The following CSRNP3 variants were observed in gnomAD, a reference collection of about 807,000 sequenced individuals.
The protein encoded by CSRNP3 is cysteine and serine rich nuclear protein 3, also known as cysteine/serine-rich nuclear protein 3.
Under a neutral mutation model 48.0 loss-of-function variants are expected in CSRNP3, and 12 were observed. The observed-to-expected ratio is 0.25, with a 90% CI of 0.16 to 0.41. The LOEUF (loss-of-function observed/expected upper bound fraction) is 0.41. CSRNP3 is among the 10% of genes least tolerant of loss of function. CSRNP3 has a pLI of 1.00. For synonymous variants in CSRNP3, 263 were observed against 269.7 expected (o/e 0.98, Z 0.24); for missense variants, 580 against 724.4 (o/e 0.80, Z 2.29).
chr2:165,519,158 G>T (rs1009143761), intron 3 of CSRNP3, among the ~76,000 whole-genome samples: 2 of 149,494 alleles, frequency 1.3e-5, no homozygotes, highest in Non-Finnish European at 3.0e-5. Context: ...TATAAAACAA[G>T]TAAGAAATAT....
At chr2:165,645,453 T>G (rs950899807) in intron 4 of CSRNP3, among the ~76,000 whole-genome samples, 4 of 152,118 alleles carry the variant, frequency 2.6e-5, no homozygotes, top group Admixed American at 6.6e-5. Flanking sequence ...ACCTTGGGGG[T>G]TAGAATTTCA....
chr2:165,539,199 T>C (rs1179494006), intron 3 of CSRNP3, among the ~76,000 whole-genome samples: 1 of 152,024 alleles, frequency 6.6e-6, no homozygotes, highest in Admixed American at 6.6e-5. Context: ...TAAGTATTTT[T>C]AGTAAAACTG....
At chr2:165,677,377 T>C (rs1270484565) in intron 6 of CSRNP3, among the ~76,000 whole-genome samples, 1 of 152,124 alleles carries the variant, frequency 6.6e-6, no homozygotes, top group East Asian at 1.9e-4. Context: ...AAATAAAAAG[T>C]TTACCAACCC....
chr2:165,473,997 A>G (rs1683926661), intron 1 of CSRNP3, among the ~76,000 whole-genome samples: 1 of 152,138 alleles, frequency 6.6e-6, no homozygotes, highest in Non-Finnish European at 1.5e-5. Context: ...CATGGCCTGA[A>G]AAGAAGATAA....
At chr2:165,581,947 A>G (rs1053296938) in intron 3 of CSRNP3, among the ~76,000 whole-genome samples, 1 of 152,226 alleles carries the variant, frequency 6.6e-6, no homozygotes, top group African/African-American at 2.4e-5. Context: ...ATTTATGTCT[A>G]TTCATTTACT....
chr2:165,631,322 A>G (rs1443265589), intron 4 of CSRNP3, among the ~76,000 whole-genome samples: 2 of 152,200 alleles, frequency 1.3e-5, no homozygotes, highest in Non-Finnish European at 2.9e-5. Context: ...CTTGATGTGC[A>G]GGCCATGAGT....
chr2:165,580,796 C>G lies in CSRNP3; in HGVS notation c.-23-14247C>G, dbSNP rs73972103. 2.1e-3 allele frequency among the ~76,000 whole-genome samples: 323 copies of G among 151,086 alleles called. 2 individuals are homozygous for G. The highest frequency in any genetic ancestry group is 7.4e-3 in the African/African-American group (306 of 41,238). The stretch of plus-strand genomic sequence containing the variant: ...AAACTTTTTAAGTGCTAAGAAGAAA[C>G]AAAAAATGCTATCTTCCAGTGATGC... On this transcript the variant is annotated intron_variant, in intron 3 of 6. Transcript: ENST00000651982.
At chr2:165,481,977 C>G in intron 1 of CSRNP3, among the ~76,000 whole-genome samples, 1 of 152,098 alleles carries the variant, frequency 6.6e-6, no homozygotes, top group East Asian at 1.9e-4. Context: ...CTAGTGAGTA[C>G]TATGCTCACT....
intron 3 of CSRNP3, among the ~76,000 whole-genome samples, chr2:165,555,560 G>A (rs1282111492): frequency 6.6e-6 from 1 of 152,144 alleles, no homozygotes; most frequent in Admixed American, 6.5e-5. Context: ...GGGCCTGTTT[G>A]CCAGATACTG....
At chr2:165,616,551 T>G (rs1357089041) in intron 4 of CSRNP3, among the ~76,000 whole-genome samples, 1 of 152,238 alleles carries the variant, frequency 6.6e-6, no homozygotes, top group Non-Finnish European at 1.5e-5. Flanking sequence ...TTTAACTAAC[T>G]TTTTATAAAA....
chr2:165,678,568 G>T, intron 6 of CSRNP3, 133 bp from the exon 7 acceptor site: 1 of 1,018,926 alleles, frequency 9.8e-7, no homozygotes, highest in Non-Finnish European at 1.4e-6. Flanking sequence ...TTTGAAGTTT[G>T]GTTGTCATTT....
chr2:165,483,303 A>G (rs1684072262), intron 1 of CSRNP3, among the ~76,000 whole-genome samples: 1 of 152,092 alleles, frequency 6.6e-6, no homozygotes, highest in Non-Finnish European at 1.5e-5. Flanking sequence ...AATAACTTAT[A>G]TTTGTGGAAA....
In CSRNP3 at chr2:165,494,813, A is replaced by C. The variant is rs1333557029; in HGVS notation, c.-228A>C. ...GGAATTTTAAAGGGGAAGTTTGAAG[A>C]AGTCAACGGCTCCTCACCCTGCTCT... is the stretch of plus-strand genomic sequence containing the variant. On this transcript the variant is annotated 5_prime_UTR_variant, in exon 2 of 7. Transcript: ENST00000651982. 4.8e-6 allele frequency: 1 copy of C among 210,098 alleles called. No individual in the cohort carries two copies. Among genetic ancestry groups the C allele is most frequent in the African/African-American group, 2.3e-5 (1 of 43,140 alleles). 13.0% of individuals were successfully genotyped at this position (210,098 alleles called of 1,614,324 possible). A position where few individuals can be genotyped will look rare whatever the true frequency, so the allele number is the denominator to read the frequency against.
intron 6 of CSRNP3, 65 bp downstream of exon 6, chr2:165,676,673 T>A: frequency 6.9e-7 from 1 of 1,440,712 alleles, no homozygotes; most frequent in Non-Finnish European, 9.6e-7. Context: ...AAGGAGGCAG[T>A]CATGGTACCT....
At chr2:165,478,845 G>A (rs1478621525) in intron 1 of CSRNP3, among the ~76,000 whole-genome samples, 1 of 152,234 alleles carries the variant, frequency 6.6e-6, no homozygotes, top group Non-Finnish European at 1.5e-5. Flanking sequence ...ATGATAAAAA[G>A]GGAAGCATAA....
chr2:165,556,420 C>T (rs1274764263), intron 3 of CSRNP3, among the ~76,000 whole-genome samples: 11 of 151,952 alleles, frequency 7.2e-5, no homozygotes, highest in Admixed American at 4.6e-4. Flanking sequence ...AGGTCATCTA[C>T]AAAAAAATAA....
chr2:165,670,603 T>A (rs1002130148), intron 5 of CSRNP3, among the ~76,000 whole-genome samples: 2 of 152,200 alleles, frequency 1.3e-5, no homozygotes, highest in Non-Finnish European at 2.9e-5. Flanking sequence ...CCTCATCAGT[T>A]AAATGAATAC....
chr2:165,506,529 C>A (rs1684428482), intron 2 of CSRNP3, among the ~76,000 whole-genome samples: 1 of 152,262 alleles, frequency 6.6e-6, no homozygotes, highest in Non-Finnish European at 1.5e-5. Context: ...GCAACAACCT[C>A]TCCAGGGATT....
intron 3 of CSRNP3, among the ~76,000 whole-genome samples, chr2:165,533,519 T>C (rs1197709653): frequency 6.6e-6 from 1 of 152,054 alleles, no homozygotes; most frequent in Non-Finnish European, 1.5e-5. Flanking sequence ...GCTCACATTG[T>C]GTGCCCTGTG....
Sources: allele counts gnomAD v4.1 joint callset (sites outside exome capture counted in the v4.1 genomes callset), GRCh38; gene constraint gnomAD v4.1.1; transcripts MANE v1.5; gene names NCBI Gene and HGNC (gene_info 2026-07-23, HGNC 2026-07-21).